Variants in OSBPL10 observed in about 807,000 individuals in gnomAD.
OSBPL10 encodes the protein oxysterol-binding protein-related protein 10.
OSBPL10 carries 49 observed loss-of-function variants against 81.7 expected under a neutral mutation model. That is an observed-to-expected ratio of 0.60 (90% confidence interval 0.48 to 0.76). OSBPL10 has a LOEUF of 0.76. OSBPL10 is among the 30% of genes least tolerant of loss of function. The probability of loss-of-function intolerance (pLI) is 0.00; values close to 1 mark genes in which losing one functional copy is unlikely to be tolerated. For synonymous variants in OSBPL10, 419 were observed against 383.6 expected (o/e 1.09, Z -1.08); for missense variants, 923 against 987.8 (o/e 0.93, Z 0.88).
At chr3:31,992,568 G>T (rs138157341) in intron 2 of OSBPL10, among the ~76,000 whole-genome samples, 7 of 152,250 alleles carry the variant, frequency 4.6e-5, no homozygotes, top group South Asian at 2.1e-4. Flanking sequence ...TCCAATCTCT[G>T]GTTCTGTCAT....
chr3:31,947,803 A>G (rs1697745005), intron 1 of OSBPL10, among the ~76,000 whole-genome samples: 2 of 151,716 alleles, frequency 1.3e-5, no homozygotes, highest in African/African-American at 4.9e-5. Flanking sequence ...GGCGACTCCT[A>G]TGCAAATGAG....
chr3:31,944,479 AAACT>A (rs1404179183), intron 1 of OSBPL10, among the ~76,000 whole-genome samples: 6 of 152,234 alleles, frequency 3.9e-5, no homozygotes, highest in African/African-American at 1.2e-4. Context: ...TCCATATTTT[AAACT>A]AACAGGCCTG....
chr3:31,908,463 C>T (rs1003241143), intron 1 of OSBPL10, among the ~76,000 whole-genome samples: 1 of 152,146 alleles, frequency 6.6e-6, no homozygotes, highest in African/African-American at 2.4e-5. Flanking sequence ...ACTGGAAGAG[C>T]CACCCCCTTC....
intron 6 of OSBPL10, among the ~76,000 whole-genome samples, chr3:31,720,420 A>T (rs1280365354): frequency 6.6e-6 from 1 of 152,204 alleles, no homozygotes; most frequent in Admixed American, 6.5e-5. Flanking sequence ...GTGTATAAAA[A>T]GCAAAGCCAG....
At chr3:31,911,368 T>G (rs1461818277) in intron 1 of OSBPL10, among the ~76,000 whole-genome samples, 3 of 152,090 alleles carry the variant, frequency 2.0e-5, no homozygotes, top group Admixed American at 2.0e-4. Context: ...GCTACTCTCA[T>G]GGGGGTGGAG....
At chr3:31,783,146 T>TATATATACACACACACACACACAC (rs1485968747) in intron 4 of OSBPL10, among the ~76,000 whole-genome samples, 2 of 113,028 alleles carry the variant, frequency 1.8e-5, no homozygotes, top group African/African-American at 7.7e-5. Flanking sequence ...TATATATATA[T>TATATATACACACACACACACACAC]ACACACACAC....
chr3:32,004,813 C>T (rs552888445), intron 2 of OSBPL10, among the ~76,000 whole-genome samples: 1 of 152,168 alleles, frequency 6.6e-6, no homozygotes, highest in Non-Finnish European at 1.5e-5. Flanking sequence ...TGTTTTAGAC[C>T]AAAGAAAAGG....
chr3:31,859,044 T>A (rs1700997898), intron 3 of OSBPL10, among the ~76,000 whole-genome samples: 1 of 152,236 alleles, frequency 6.6e-6, no homozygotes, highest in Non-Finnish European at 1.5e-5. Flanking sequence ...ATGCCATTAT[T>A]TTGCCCAATT....
intron 2 of OSBPL10, among the ~76,000 whole-genome samples, chr3:31,995,896 TA>T (rs1699086572): frequency 1.3e-5 from 2 of 152,186 alleles, no homozygotes; most frequent in South Asian, 4.1e-4. Context: ...AAGCCGCTGT[TA>T]ATAACCATCC....
At chr3:31,987,679 G>A (rs1262404008) in intron 2 of OSBPL10, among the ~76,000 whole-genome samples, 3 of 152,198 alleles carry the variant, frequency 2.0e-5, no homozygotes, top group Non-Finnish European at 1.5e-5. Flanking sequence ...CATGGCATGG[G>A]GAGGGTTCCA....
chr3:31,877,399 G>C (rs867389839), intron 2 of OSBPL10, among the ~76,000 whole-genome samples: 1 of 152,286 alleles, frequency 6.6e-6, no homozygotes, highest in East Asian at 1.9e-4. Flanking sequence ...TAAAGTGCAA[G>C]TAGTCATGTT....
intron 2 of OSBPL10, among the ~76,000 whole-genome samples, chr3:31,987,534 T>C (rs1698950738): frequency 6.6e-6 from 1 of 152,220 alleles, no homozygotes; most frequent in South Asian, 2.1e-4. Flanking sequence ...TCTGAACCAA[T>C]GTTTACTATG....
chr3:31,810,557 G>A (rs1190439066), intron 4 of OSBPL10, among the ~76,000 whole-genome samples: 1 of 151,956 alleles, frequency 6.6e-6, no homozygotes, highest in South Asian at 2.1e-4. Context: ...TTATGAAGGT[G>A]AATTATCTTA....
chr3:31,879,554 C>T, intron 2 of OSBPL10, 101 bp downstream of exon 2: 1 of 1,260,810 alleles, frequency 7.9e-7, no homozygotes, highest in Non-Finnish European at 1.1e-6. Context: ...ACACAGCAAA[C>T]TGTCAAAGGC....
intron 3 of OSBPL10, among the ~76,000 whole-genome samples, chr3:31,869,889 T>C (rs1701276050): frequency 6.6e-6 from 1 of 152,254 alleles, no homozygotes; most frequent in South Asian, 2.1e-4. Context: ...TCATTACTTC[T>C]GCCAACAGGC....
chr3:31,821,417 C>T (rs1476947841), intron 4 of OSBPL10, among the ~76,000 whole-genome samples: 2 of 152,130 alleles, frequency 1.3e-5, no homozygotes, highest in Non-Finnish European at 2.9e-5. Flanking sequence ...AGCCAACCTG[C>T]TTCACTATCA....
intron 4 of OSBPL10, among the ~76,000 whole-genome samples, chr3:31,821,373 AG>A (rs1431658040): frequency 6.6e-6 from 1 of 152,158 alleles, no homozygotes; most frequent in African/African-American, 2.4e-5. Flanking sequence ...AAGGGATTGT[AG>A]GGGTGCTCAT....
At chr3:31,845,054 C>G (rs964590711) in intron 3 of OSBPL10, among the ~76,000 whole-genome samples, 2 of 152,190 alleles carry the variant, frequency 1.3e-5, no homozygotes, top group Non-Finnish European at 1.5e-5. Context: ...TGCACTCCAG[C>G]CTGGGTGACA....
chr3:31,961,802 C>G (rs1698171651), intron 1 of OSBPL10, among the ~76,000 whole-genome samples: 1 of 151,958 alleles, frequency 6.6e-6, no homozygotes, highest in Admixed American at 6.6e-5. Context: ...TTAATGTACA[C>G]CAGCAGATGT....
Sources: gnomAD v4.1 joint callset for allele counts (sites outside exome capture counted in the v4.1 genomes callset) on GRCh38, gnomAD v4.1.1 for gene constraint, MANE v1.5 for transcripts, NCBI Gene and HGNC (gene_info 2026-07-23, HGNC 2026-07-21) for gene names.